ATXN1: variants seen among roughly 807,000 people sequenced by gnomAD.
ATXN1 encodes ataxin-1.
In ATXN1, 8 loss-of-function variants were observed where a neutral mutation model predicts 56.4. The ratio of observed to expected loss-of-function variants is 0.14; its 90% CI spans 0.08 to 0.26. The LOEUF is 0.26. Among genes scored for constraint, ATXN1 ranks in the 10% least tolerant of loss-of-function variants. The pLI is 1.00. For missense variants in ATXN1, 987 were observed against 1,106.5 expected (o/e 0.89, Z 1.53); for synonymous variants, 514 against 494.6 (o/e 1.04, Z -0.52).
intron 6 of ATXN1, among the ~76,000 whole-genome samples, chr6:16,377,399 T>TGAGC (rs1762162361): frequency 6.6e-6 from 1 of 152,098 alleles, no homozygotes; most frequent in African/African-American, 2.4e-5. Context: ...TGAGCCTGCT[T>TGAGC]TTCTGTGTGA....
At chr6:16,466,084 A>G (rs1247620516) in intron 6 of ATXN1, among the ~76,000 whole-genome samples, 1 of 152,144 alleles carries the variant, frequency 6.6e-6, no homozygotes, top group African/African-American at 2.4e-5. Context: ...TGGGAGGCCA[A>G]GGCGGGTGGA....
rs560592598 is a variant in ATXN1 at position 16,680,110 on chromosome 6, C to T, written c.-614-22209G>A. Among the ~76,000 whole-genome samples, 11 of 152,268 alleles carry T rather than the reference C, an allele frequency of 7.2e-5. No individual in the cohort carries two copies. In the South Asian group the frequency reaches 2.3e-3, roughly 32 times the overall value. On this transcript the variant is annotated intron_variant, in intron 2 of 7. Transcript: ENST00000436367. Reference sequence around the variant, plus strand: ...TCACTGTCTTGAAGTCTTTTACCCACAGTCTCCCATATTCAATACAGATAA... The same window carrying T: ...TCACTGTCTTGAAGTCTTTTACCCATAGTCTCCCATATTCAATACAGATAA...
At chr6:16,691,221 C>T (rs1166564759) in intron 2 of ATXN1, among the ~76,000 whole-genome samples, 1 of 152,194 alleles carries the variant, frequency 6.6e-6, no homozygotes, top group African/African-American at 2.4e-5. Flanking sequence ...TTGTCATCAT[C>T]GTGTATCATG....
chr6:16,646,365 A>G (rs1486296001), intron 3 of ATXN1, among the ~76,000 whole-genome samples: 1 of 152,154 alleles, frequency 6.6e-6, no homozygotes, highest in African/African-American at 2.4e-5. Flanking sequence ...AATTAATCCC[A>G]TTTTCTCATC....
intron 2 of ATXN1, among the ~76,000 whole-genome samples, chr6:16,729,914 A>G (rs1759930220): frequency 6.6e-6 from 1 of 152,202 alleles, no homozygotes. Flanking sequence ...ATAAATGTTG[A>G]TTACCTTTCT....
intron 6 of ATXN1, among the ~76,000 whole-genome samples, chr6:16,376,249 T>C (rs1561872386): frequency 1.3e-5 from 2 of 152,202 alleles, no homozygotes; most frequent in Non-Finnish European, 2.9e-5. Context: ...GAAATGGCTA[T>C]AGGCAAAAGA....
At position 16,482,916 on chromosome 6, in the gene ATXN1, C is replaced by G. The variant is rs558704045; in HGVS notation, c.-161+3056G>C. ...AAAATAAACGTTCAATTGGCCTCAT[C>G]TAAGGCTGATACTTTATGCAACTTG... On this transcript the variant is annotated intron_variant, in intron 6 of 7. Transcript: ENST00000436367. 1.1e-4 allele frequency among the ~76,000 whole-genome samples: 16 copies of G among 152,286 alleles called. No individual in the cohort carries two copies. In the South Asian group the frequency reaches 3.3e-3, roughly 32 times the overall value.
intron 6 of ATXN1, among the ~76,000 whole-genome samples, chr6:16,357,232 TTTTTA>T (rs143751686): frequency 0.77 from 113,846 of 146,980 alleles, 44,486 homozygotes; most frequent in African/African-American, 0.87. Context: ...ATTTTATTAT[TTTTTA>T]TTTTATTTTA....
chr6:16,417,660 G>A (rs1044914911), intron 6 of ATXN1, among the ~76,000 whole-genome samples: 14 of 151,724 alleles, frequency 9.2e-5, no homozygotes, highest in East Asian at 2.0e-4. Flanking sequence ...GGATGGTCTC[G>A]ATCTCCTGAC....
At chr6:16,352,987 G>C (rs567352249) in intron 6 of ATXN1, among the ~76,000 whole-genome samples, 7 of 152,248 alleles carry the variant, frequency 4.6e-5, no homozygotes, top group African/African-American at 1.7e-4. Context: ...TGGCCGCTAG[G>C]TGACTCACCG....
At chr6:16,536,826 T>C (rs1761608957) in intron 4 of ATXN1, among the ~76,000 whole-genome samples, 1 of 152,234 alleles carries the variant, frequency 6.6e-6, no homozygotes, top group African/African-American at 2.4e-5. Flanking sequence ...CAGAGCTTTA[T>C]ATTCCACATG....
chr6:16,586,043 G>GCGTGCA (rs61649104), intron 3 of ATXN1, 136 bp from the exon 4 acceptor site: 1 of 148,286 alleles, frequency 6.7e-6, no homozygotes, highest in African/African-American at 2.5e-5. Context: ...GCAAGCATGC[G>GCGTGCA]CACACACACA....
intron 5 of ATXN1, among the ~76,000 whole-genome samples, 175 bp from the exon 6 acceptor site, chr6:16,486,284 T>C (rs1581794224): frequency 6.6e-6 from 1 of 152,148 alleles, no homozygotes; most frequent in African/African-American, 2.4e-5. Context: ...GAACACAACA[T>C]GGTACAGCCA....
chr6:16,369,111 A>C (rs1014228172), intron 6 of ATXN1, among the ~76,000 whole-genome samples: 2 of 151,840 alleles, frequency 1.3e-5, no homozygotes, highest in African/African-American at 4.8e-5. Flanking sequence ...CCCAATCTTC[A>C]CTCCCACAAA....
At chr6:16,548,846 C>G (rs545482751) in intron 4 of ATXN1, among the ~76,000 whole-genome samples, 1 of 152,152 alleles carries the variant, frequency 6.6e-6, no homozygotes, top group African/African-American at 2.4e-5. Flanking sequence ...TGGCTTGAAC[C>G]CAGGAGGCAG....
chr6:16,612,901 AAAAG>A (rs1272267463), intron 3 of ATXN1, among the ~76,000 whole-genome samples: 4 of 151,740 alleles, frequency 2.6e-5, no homozygotes, highest in Non-Finnish European at 4.4e-5. Context: ...AAAAAAAAAA[AAAAG>A]AAAGGGAAAT....
At chr6:16,364,206 T>C (rs1012382073) in intron 6 of ATXN1, among the ~76,000 whole-genome samples, 3 of 152,200 alleles carry the variant, frequency 2.0e-5, no homozygotes, top group African/African-American at 4.8e-5. Flanking sequence ...AGAACTCTGA[T>C]TCAGAGCACC....
At chr6:16,734,179 T>C (rs1410812685) in intron 2 of ATXN1, among the ~76,000 whole-genome samples, 1 of 152,184 alleles carries the variant, frequency 6.6e-6, no homozygotes, top group African/African-American at 2.4e-5. Flanking sequence ...GGCACAGTCA[T>C]ATGAAATCAT....
intron 4 of ATXN1, among the ~76,000 whole-genome samples, chr6:16,562,603 T>G (rs1417770786): frequency 6.6e-6 from 1 of 151,626 alleles, no homozygotes; most frequent in Non-Finnish European, 1.5e-5. Context: ...GGTCTAGGAG[T>G]AACCACTGAA....
Sources: gnomAD v4.1 joint callset for allele counts (sites outside exome capture counted in the v4.1 genomes callset) on GRCh38, gnomAD v4.1.1 for gene constraint, MANE v1.5 for transcripts, NCBI Gene and HGNC (gene_info 2026-07-23, HGNC 2026-07-21) for gene names.